FBXL7: variants seen among roughly 807,000 people sequenced by gnomAD.
FBXL7 encodes the protein F-box/LRR-repeat protein 7.
FBXL7 carries 12 observed loss-of-function variants against 38.3 expected under a neutral mutation model. The ratio of observed to expected loss-of-function variants is 0.31; its 90% CI spans 0.20 to 0.51. The LOEUF is 0.51. Among genes scored for constraint, FBXL7 ranks in the 20% least tolerant of loss-of-function variants. FBXL7 has a pLI of 0.98. For missense variants in FBXL7, 567 were observed against 676.4 expected (o/e 0.84, Z 1.79); for synonymous variants, 297 against 300.9 (o/e 0.99, Z 0.13).
At chr5:15,649,077 A>G (rs1580433068) in intron 2 of FBXL7, among the ~76,000 whole-genome samples, 1 of 151,980 alleles carries the variant, frequency 6.6e-6, no homozygotes, top group Non-Finnish European at 1.5e-5. Context: ...GCTCACTGCA[A>G]CCTCTGCCTC....
chr5:15,635,283 A>G (rs1188777900), intron 2 of FBXL7, among the ~76,000 whole-genome samples: 13 of 152,132 alleles, frequency 8.5e-5, no homozygotes, highest in Admixed American at 8.5e-4. Context: ...ACTGTTGCTC[A>G]GAGAGCTCAC....
At chr5:15,767,343 C>T (rs1015284522) in intron 2 of FBXL7, among the ~76,000 whole-genome samples, 2 of 152,178 alleles carry the variant, frequency 1.3e-5, no homozygotes, top group Non-Finnish European at 2.9e-5. Context: ...CCTTAAGGTT[C>T]ATATCCACAG....
At chr5:15,917,644 GGGAAGGAAGGAAGGAAGGAA>G (rs57231456) in intron 2 of FBXL7, among the ~76,000 whole-genome samples, 45 of 91,024 alleles carry the variant, frequency 4.9e-4, no homozygotes, top group African/African-American at 1.6e-3. Flanking sequence ...AAGGAAGGGA[GGGAAGGAAGGAAGGAAGGAA>G]GGAAGGAAGG....
At chr5:15,722,976 G>C (rs940020837) in intron 2 of FBXL7, among the ~76,000 whole-genome samples, 14 of 149,916 alleles carry the variant, frequency 9.3e-5, no homozygotes, top group African/African-American at 3.4e-4. Flanking sequence ...AAAAATCACA[G>C]TTAGTTCTTG....
At chr5:15,657,874 T>C (rs1189464842) in intron 2 of FBXL7, among the ~76,000 whole-genome samples, 1 of 151,860 alleles carries the variant, frequency 6.6e-6, no homozygotes, top group Non-Finnish European at 1.5e-5. Context: ...ACATTTAAAA[T>C]ATTTGCTGAC....
chr5:15,819,485 C>A (rs1396125287), intron 2 of FBXL7, among the ~76,000 whole-genome samples: 1 of 152,162 alleles, frequency 6.6e-6, no homozygotes, highest in Non-Finnish European at 1.5e-5. Flanking sequence ...CATTTGTGTA[C>A]TGCATTCCAA....
intron 2 of FBXL7, among the ~76,000 whole-genome samples, chr5:15,705,662 C>G (rs991141056): frequency 6.6e-6 from 1 of 152,134 alleles, no homozygotes; most frequent in South Asian, 2.1e-4. Context: ...TCAGCCCTCA[C>G]ATTTTGACAT....
At chr5:15,749,558 C>T (rs1469880395) in intron 2 of FBXL7, among the ~76,000 whole-genome samples, 2 of 151,820 alleles carry the variant, frequency 1.3e-5, no homozygotes, top group Non-Finnish European at 2.9e-5. Context: ...ACCCAGGAGG[C>T]GGAGCTTGCA....
At chr5:15,885,566 A>G (rs1332540518) in intron 2 of FBXL7, among the ~76,000 whole-genome samples, 1 of 152,206 alleles carries the variant, frequency 6.6e-6, no homozygotes, top group African/African-American at 2.4e-5. Flanking sequence ...TGAAATGTGG[A>G]AGACCAAAGA....
In FBXL7 at chr5:15,936,738, G is replaced by A. The variant is rs1389047293; in HGVS notation, c.1028G>A (p.Arg343Gln). ...DCRFVSDFGL[R>Q]EIAKLESRLR... ...CGCTTCGTCAGCGACTTCGGCCTGCGGGAGATCGCCAAGCTGGAGTCCCGC... is the reference window on the plus strand; with the variant it reads ...CGCTTCGTCAGCGACTTCGGCCTGCAGGAGATCGCCAAGCTGGAGTCCCGC... Residue 343 changes from arginine to glutamine, a missense_variant, in exon 4 of 4, where the codon CGG becomes CAG. By Grantham distance (43) the Arg-to-Gln change is conservative (BLOSUM62 1). Transcript: ENST00000504595. This position sits in a 1 kb window ranked among gnomAD's most constrained non-coding sequence, Gnocchi z 6.0. 9 of 1,609,118 alleles carry A rather than the reference G, an allele frequency of 5.6e-6. No individual in the cohort carries two copies. The highest frequency in any genetic ancestry group is 1.7e-4 in the Middle Eastern group (1 of 6,060).
chr5:15,552,077 T>G (rs1738090077), intron 1 of FBXL7, among the ~76,000 whole-genome samples: 1 of 152,254 alleles, frequency 6.6e-6, no homozygotes, highest in South Asian at 2.1e-4. Flanking sequence ...TTGTTTAGTT[T>G]GATGTTCACA....
chr5:15,521,840 C>T (rs1013806800), intron 1 of FBXL7, among the ~76,000 whole-genome samples: 1 of 152,218 alleles, frequency 6.6e-6, no homozygotes, highest in African/African-American at 2.4e-5. Context: ...TTATTTTCCT[C>T]GAATTGTTCT....
chr5:15,797,034 G>A (rs1317099581), intron 2 of FBXL7, among the ~76,000 whole-genome samples: 2 of 152,078 alleles, frequency 1.3e-5, no homozygotes, highest in Non-Finnish European at 2.9e-5. Flanking sequence ...ATTTTTGCTG[G>A]CTTTAAAAAA....
intron 2 of FBXL7, among the ~76,000 whole-genome samples, chr5:15,822,150 A>T (rs1267358244): frequency 1.3e-5 from 2 of 151,182 alleles, no homozygotes; most frequent in Non-Finnish European, 2.9e-5. Context: ...CAGGAGATCG[A>T]GACCATCCTG....
intron 1 of FBXL7, 122 bp downstream of exon 1, chr5:15,500,835 C>A: frequency 8.3e-7 from 1 of 1,201,378 alleles, no homozygotes; most frequent in Non-Finnish European, 1.2e-6. Flanking sequence ...GGCACCCTGT[C>A]TGGGTCACCA....
chr5:15,715,360 A>G (rs1343609148), intron 2 of FBXL7, among the ~76,000 whole-genome samples: 1 of 151,820 alleles, frequency 6.6e-6, no homozygotes, highest in Admixed American at 6.6e-5. Flanking sequence ...GCGTGATGGC[A>G]CGTGCCTGTA....
intron 2 of FBXL7, among the ~76,000 whole-genome samples, chr5:15,821,835 A>G (rs1344670871): frequency 6.6e-6 from 1 of 152,170 alleles, no homozygotes; most frequent in Non-Finnish European, 1.5e-5. Flanking sequence ...TGAGCTGAAC[A>G]TCTCCAAGGT....
chr5:15,906,119 A>G (rs949007561), intron 2 of FBXL7, among the ~76,000 whole-genome samples: 16 of 152,150 alleles, frequency 1.1e-4, no homozygotes, highest in African/African-American at 3.9e-4. Context: ...AATAAAGATC[A>G]TCGCCAACAT....
intron 1 of FBXL7, among the ~76,000 whole-genome samples, chr5:15,589,587 T>C (rs1739410260): frequency 6.6e-6 from 1 of 152,198 alleles, no homozygotes; most frequent in South Asian, 2.1e-4. Flanking sequence ...TTTATAGTAG[T>C]GCGAGAAGGG....
Sources: allele counts gnomAD v4.1 joint callset (sites outside exome capture counted in the v4.1 genomes callset), GRCh38; gene constraint gnomAD v4.1.1; non-coding constraint Gnocchi (gnomAD v3.1); transcripts MANE v1.5; gene names NCBI Gene and HGNC (gene_info 2026-07-23, HGNC 2026-07-21).